Variants in GRID2 observed in about 807,000 individuals in gnomAD.
The protein encoded by GRID2 is glutamate ionotropic receptor delta type subunit 2, also known as glutamate receptor ionotropic, delta-2.
In GRID2, 33 loss-of-function variants were observed where a neutral mutation model predicts 114.8. The observed-to-expected ratio is 0.29, with a 90% CI of 0.22 to 0.38. The LOEUF (loss-of-function observed/expected upper bound fraction) is 0.38, where lower values mean the gene tolerates loss of function less well. Among genes scored for constraint, GRID2 ranks in the 10% least tolerant of loss-of-function variants. The pLI is 1.00. For missense variants in GRID2, 1,184 were observed against 1,257.7 expected, an observed-to-expected ratio of 0.94 and a Z score of 0.89; for synonymous variants, 505 against 449.9, an observed-to-expected ratio of 1.12 and a Z score of -1.55.
At chr4:93,193,268 A>T (rs181302022) in intron 4 of GRID2, among the ~76,000 whole-genome samples, 1 of 152,142 alleles carries the variant, frequency 6.6e-6, no homozygotes, top group Non-Finnish European at 1.5e-5. Flanking sequence ...AGGGATCATT[A>T]TCAAATAGAT....
intron 2 of GRID2, among the ~76,000 whole-genome samples, chr4:92,768,110 C>G (rs1388521044): frequency 6.6e-6 from 1 of 151,950 alleles, no homozygotes; most frequent in Non-Finnish European, 1.5e-5. Flanking sequence ...AAAATAAAAT[C>G]TTTATCAATG....
chr4:92,526,807 A>C (rs1452821801), intron 1 of GRID2, among the ~76,000 whole-genome samples: 2 of 151,966 alleles, frequency 1.3e-5, no homozygotes, highest in African/African-American at 4.8e-5. Context: ...TGATTTTTCA[A>C]TGTTATGATG....
chr4:92,973,712 T>C lies in GRID2; in HGVS notation c.245-111283T>C, dbSNP rs191859649. The stretch of plus-strand genomic sequence containing the variant: ...AGGTAAACTGTGATAATTAGTTACT[T>C]CTTTATATTTAGCAAATATTAAATG... On this transcript the variant is annotated intron_variant, in intron 2 of 15. Transcript: ENST00000282020. Among the ~76,000 whole-genome samples the C allele has an allele frequency of 2.6e-5, 4 of 152,314 alleles. No individual in the cohort carries two copies. In the East Asian group the frequency reaches 7.7e-4, roughly 29 times the overall value.
chr4:92,945,354 C>T (rs1465049898), intron 2 of GRID2, among the ~76,000 whole-genome samples: 2 of 152,100 alleles, frequency 1.3e-5, no homozygotes, highest in Admixed American at 1.3e-4. Context: ...ATAATACCAA[C>T]CATTTCAATG....
rs1464081862 is a variant in GRID2 at position 92,713,519 on chromosome 4, T to TATATATATA, written c.244+123234_244+123235insTATATATAA. Among the ~76,000 whole-genome samples the TATATATATA allele has an allele frequency of 7.7e-4, 63 of 81,320 alleles. 1 individual carries two copies. The highest frequency in any genetic ancestry group is 1.8e-3 in the South Asian group (4 of 2,258). The allele number at this position is 81,320 out of a possible 152,430, so 53.3% of individuals were successfully genotyped here. A position where few individuals can be genotyped will look rare whatever the true frequency, so the allele number is the denominator to read the frequency against. The stretch of plus-strand genomic sequence containing the variant: ...TATATATATATATATATATATATAT[T>TATATATATA]ACCAAAATTAGGTCTTGGATAGTGT... On this transcript the variant is annotated intron_variant, in intron 2 of 15. Transcript: ENST00000282020.
intron 5 of GRID2, among the ~76,000 whole-genome samples, chr4:93,214,408 C>T (rs952917738): frequency 6.6e-6 from 1 of 151,956 alleles, no homozygotes; most frequent in Non-Finnish European, 1.5e-5. Context: ...CTGCCACTCT[C>T]GAAATGCCCC....
intron 2 of GRID2, among the ~76,000 whole-genome samples, chr4:92,945,310 T>A (rs1168443937): frequency 6.6e-6 from 1 of 152,220 alleles, no homozygotes; most frequent in Non-Finnish European, 1.5e-5. Flanking sequence ...GTCATTGTTC[T>A]ATTATTTTAT....
At chr4:93,086,278 T>C (rs575793571) in intron 3 of GRID2, among the ~76,000 whole-genome samples, 1 of 152,348 alleles carries the variant, frequency 6.6e-6, no homozygotes, top group Non-Finnish European at 1.5e-5. Flanking sequence ...CTCTGTAGCA[T>C]AACTTATTTT....
At chr4:93,507,640 A>G (rs948211715) in intron 12 of GRID2, among the ~76,000 whole-genome samples, 6 of 152,144 alleles carry the variant, frequency 3.9e-5, no homozygotes, top group African/African-American at 1.4e-4. Flanking sequence ...TATTTCAGTG[A>G]AAAAATCACT....
chr4:92,492,617 C>T (rs1723194498), intron 1 of GRID2, among the ~76,000 whole-genome samples: 1 of 152,072 alleles, frequency 6.6e-6, no homozygotes, highest in Non-Finnish European at 1.5e-5. Flanking sequence ...CATATGATAT[C>T]TGAGGCATAG....
intron 4 of GRID2, among the ~76,000 whole-genome samples, chr4:93,175,112 C>T (rs756680325): frequency 1.3e-5 from 2 of 152,098 alleles, no homozygotes; most frequent in Non-Finnish European, 2.9e-5. Flanking sequence ...CACATTGTTT[C>T]CACAGCCTCA....
At chr4:93,440,104 C>T (rs1225632007) in intron 10 of GRID2, among the ~76,000 whole-genome samples, 5 of 152,116 alleles carry the variant, frequency 3.3e-5, no homozygotes, top group East Asian at 1.9e-4. Flanking sequence ...TGAGGAGCAA[C>T]GCTTGTGAAT....
intron 2 of GRID2, among the ~76,000 whole-genome samples, chr4:92,937,148 C>A (rs1484723117): frequency 6.8e-6 from 1 of 146,370 alleles, no homozygotes; most frequent in Non-Finnish European, 1.5e-5. Flanking sequence ...CTTTCCCTTT[C>A]TCTCGCTGTC....
intron 2 of GRID2, among the ~76,000 whole-genome samples, chr4:92,674,321 TA>T (rs1239694124): frequency 6.6e-6 from 1 of 152,154 alleles, no homozygotes; most frequent in African/African-American, 2.4e-5. Context: ...TTTATGTATT[TA>T]TTTTTTTCCT....
At chr4:93,720,669 G>A (rs542695410) in intron 14 of GRID2, among the ~76,000 whole-genome samples, 1 of 152,266 alleles carries the variant, frequency 6.6e-6, no homozygotes, top group African/African-American at 2.4e-5. Context: ...CAGGTTATTG[G>A]TTAGTCATAT....
chr4:93,506,164 G>T (rs987232722), intron 12 of GRID2, among the ~76,000 whole-genome samples: 1 of 152,104 alleles, frequency 6.6e-6, no homozygotes, highest in Non-Finnish European at 1.5e-5. Flanking sequence ...CTTCCCAAGG[G>T]CATCTACTTT....
chr4:93,330,851 T>C (rs1391132423), intron 8 of GRID2, among the ~76,000 whole-genome samples: 1 of 152,108 alleles, frequency 6.6e-6, no homozygotes, highest in African/African-American at 2.4e-5. Flanking sequence ...CTCTGAGGTG[T>C]TGATTGGAAG....
intron 14 of GRID2, among the ~76,000 whole-genome samples, chr4:93,753,128 A>T (rs1268761148): frequency 1.3e-5 from 2 of 152,304 alleles, no homozygotes; most frequent in East Asian, 3.9e-4. Flanking sequence ...TACACCTCCT[A>T]TCTACATGCC....
chr4:93,209,773 G>T (rs1377316135), intron 5 of GRID2, among the ~76,000 whole-genome samples: 5 of 151,902 alleles, frequency 3.3e-5, no homozygotes, highest in Non-Finnish European at 1.5e-5. Context: ...GTTATTTTTT[G>T]ACTTTTTAAT....
Sources: gnomAD v4.1 joint callset for allele counts (sites outside exome capture counted in the v4.1 genomes callset) on GRCh38, gnomAD v4.1.1 for gene constraint, MANE v1.5 for transcripts, NCBI Gene and HGNC (gene_info 2026-07-23, HGNC 2026-07-21) for gene names.